Variants in DRC11 observed in about 807,000 individuals in gnomAD.
The protein encoded by DRC11 is IQ and AAA domain-containing protein 1.
the DRC11 span, among the ~76,000 whole-genome samples, chr2:236,504,090 G>A: frequency 2.6e-5 from 4 of 151,988 alleles, no homozygotes; most frequent in Non-Finnish European, 5.9e-5. The surrounding 1 kb of genome is among the most constrained non-coding windows in gnomAD (Gnocchi z 5.0). Flanking sequence ...CACCCGTGAA[G>A]CAGTCACTCC....
At chr2:236,457,717 A>G in the DRC11 span, among the ~76,000 whole-genome samples, 1 of 152,194 alleles carries the variant, frequency 6.6e-6, no homozygotes, top group African/African-American at 2.4e-5. This position sits in a 1 kb window ranked among gnomAD's most constrained non-coding sequence, Gnocchi z 4.7. Flanking sequence ...GAAGAGGACA[A>G]GGTGATGTGA....
chr2:236,429,117 G>A, the DRC11 span, among the ~76,000 whole-genome samples: 1 of 152,194 alleles, frequency 6.6e-6, no homozygotes, highest in Admixed American at 6.5e-5. This position sits in a 1 kb window ranked among gnomAD's most constrained non-coding sequence, Gnocchi z 5.9. Flanking sequence ...GGGGACAGAG[G>A]CATGCTGGGG....
chr2:236,483,776 A>C, the DRC11 span, among the ~76,000 whole-genome samples: 1 of 152,254 alleles, frequency 6.6e-6, no homozygotes, highest in Non-Finnish European at 1.5e-5. The surrounding 1 kb of genome is among the most constrained non-coding windows in gnomAD (Gnocchi z 4.8). Flanking sequence ...TATAAAACTG[A>C]TGAATATTAC....
the DRC11 span, among the ~76,000 whole-genome samples, chr2:236,384,415 G>C: frequency 6.6e-6 from 1 of 152,250 alleles, no homozygotes; most frequent in South Asian, 2.1e-4. Flanking sequence ...CTGATGGCCA[G>C]TGATGCTGAG....
At chr2:236,324,825 C>G in the DRC11 span, 2 of 1,296,784 alleles carry the variant, frequency 1.5e-6, no homozygotes, top group South Asian at 2.5e-5. The surrounding 1 kb of genome is among the most constrained non-coding windows in gnomAD (Gnocchi z 5.7). Context: ...AGAATGACAC[C>G]AATTCACCGC....
chr2:236,365,536 G>A, the DRC11 span, among the ~76,000 whole-genome samples: 4 of 152,128 alleles, frequency 2.6e-5, no homozygotes, highest in African/African-American at 7.2e-5. This position sits in a 1 kb window ranked among gnomAD's most constrained non-coding sequence, Gnocchi z 7.4. Flanking sequence ...TGAAGCCAGG[G>A]GGCCGGGAGA....
chr2:236,438,981 C>G, the DRC11 span, among the ~76,000 whole-genome samples: 1 of 147,752 alleles, frequency 6.8e-6, no homozygotes, highest in East Asian at 2.0e-4. Flanking sequence ...GGGTACATAA[C>G]GAAATGAAGG....
At chr2:236,372,995 T>C in the DRC11 span, among the ~76,000 whole-genome samples, 1 of 152,308 alleles carries the variant, frequency 6.6e-6, no homozygotes, top group African/African-American at 2.4e-5. This position sits in a 1 kb window ranked among gnomAD's most constrained non-coding sequence, Gnocchi z 4.5. Flanking sequence ...ATTTTCTTTG[T>C]CTGTCGTCAA....
At chr2:236,443,505 T>C in the DRC11 span, among the ~76,000 whole-genome samples, 1 of 152,232 alleles carries the variant, frequency 6.6e-6, no homozygotes, top group Non-Finnish European at 1.5e-5. This position sits in a 1 kb window ranked among gnomAD's most constrained non-coding sequence, Gnocchi z 4.4. Context: ...GTTCCTGCAT[T>C]AGTTTACTGA....
chr2:236,473,591 T>A, the DRC11 span, among the ~76,000 whole-genome samples: 15 of 152,188 alleles, frequency 9.9e-5, no homozygotes, highest in African/African-American at 3.6e-4. The surrounding 1 kb of genome is among the most constrained non-coding windows in gnomAD (Gnocchi z 4.8). Context: ...AAATATATGA[T>A]GGTCATGACT....
At chr2:236,422,498 C>T in the DRC11 span, among the ~76,000 whole-genome samples, 940 of 152,064 alleles carry the variant, frequency 6.2e-3, 9 homozygotes, top group African/African-American at 0.021. Context: ...TTACAAGGGA[C>T]GTGAAGGACC....
the DRC11 span, among the ~76,000 whole-genome samples, chr2:236,421,174 T>C: frequency 6.6e-6 from 1 of 152,170 alleles, no homozygotes; most frequent in East Asian, 1.9e-4. Context: ...GCAAACACAT[T>C]CAAAAGCTAG....
chr2:236,352,995 C>T, the DRC11 span, among the ~76,000 whole-genome samples: 4 of 152,078 alleles, frequency 2.6e-5, no homozygotes, highest in African/African-American at 9.7e-5. This position sits in a 1 kb window ranked among gnomAD's most constrained non-coding sequence, Gnocchi z 7.0. Flanking sequence ...TTTACACTCT[C>T]CCCAGGAATA....
the DRC11 span, among the ~76,000 whole-genome samples, chr2:236,437,330 C>A: frequency 8.5e-4 from 121 of 142,908 alleles, 1 homozygote; most frequent in East Asian, 0.02. Context: ...TTTTCTTAAT[C>A]CAGTCTATCA....
At chr2:236,330,828 T>G in the DRC11 span, among the ~76,000 whole-genome samples, 4 of 152,196 alleles carry the variant, frequency 2.6e-5, no homozygotes, top group African/African-American at 7.2e-5. This position sits in a 1 kb window ranked among gnomAD's most constrained non-coding sequence, Gnocchi z 5.5. Flanking sequence ...TTGGGAGAGA[T>G]AATTCTCAAA....
chr2:236,368,101 T>C, the DRC11 span: 3 of 788,336 alleles, frequency 3.8e-6, no homozygotes, highest in African/African-American at 5.1e-5. Flanking sequence ...AGGAGCACTG[T>C]ACTTTTGATG....
chr2:236,495,953 G>GTGGAGTAGCC, the DRC11 span, among the ~76,000 whole-genome samples: 1 of 152,172 alleles, frequency 6.6e-6, no homozygotes, highest in African/African-American at 2.4e-5. The surrounding 1 kb of genome is among the most constrained non-coding windows in gnomAD (Gnocchi z 5.6). Context: ...GATGCAGCAG[G>GTGGAGTAGCC]AAAGGCAAGG....
the DRC11 span, among the ~76,000 whole-genome samples, chr2:236,354,438 G>T: frequency 1.7e-3 from 265 of 152,082 alleles, no homozygotes; most frequent in Non-Finnish European, 2.8e-3. Flanking sequence ...GTGTTGGATG[G>T]TGGGGGGCGT....
chr2:236,392,322 C>A, the DRC11 span: 2 of 1,595,194 alleles, frequency 1.3e-6, no homozygotes, highest in Non-Finnish European at 1.7e-6. The surrounding 1 kb of genome is among the most constrained non-coding windows in gnomAD (Gnocchi z 5.1). Context: ...GAGAGAAATT[C>A]CAAGACTCAT....
Sources: allele counts gnomAD v4.1 joint callset (sites outside exome capture counted in the v4.1 genomes callset), GRCh38; gene constraint gnomAD v4.1.1; non-coding constraint Gnocchi (gnomAD v3.1); transcripts MANE v1.5; gene names NCBI Gene and HGNC (gene_info 2026-07-23, HGNC 2026-07-21).